Variants in NPY2R observed in about 807,000 individuals in gnomAD.
The protein encoded by NPY2R is neuropeptide Y receptor type 2.
NPY2R carries 17 observed loss-of-function variants against 22.3 expected under a neutral mutation model. The ratio of observed to expected loss-of-function variants is 0.76; its 90% CI spans 0.52 to 1.14. NPY2R has a LOEUF of 1.14. Ranked by LOEUF, NPY2R falls within the 50% of genes most tolerant of loss-of-function variation. NPY2R has a pLI of 0.00. For missense variants in NPY2R, 424 were observed against 467.9 expected (o/e 0.91, Z 0.87); for synonymous variants, 209 against 183.4 (o/e 1.14, Z -1.13).
the NPY2R span, among the ~76,000 whole-genome samples, chr4:155,197,347 G>T: frequency 6.6e-6 from 1 of 151,830 alleles, no homozygotes; most frequent in Non-Finnish European, 1.5e-5. Context: ...TCACAAATGG[G>T]AGTGTAAACC....
the NPY2R span, among the ~76,000 whole-genome samples, chr4:155,181,472 A>C: frequency 6.6e-6 from 1 of 152,128 alleles, no homozygotes; most frequent in Non-Finnish European, 1.5e-5. Flanking sequence ...TTAAAAAAAA[A>C]CCTTACTATG....
chr4:155,181,571 A>T, the NPY2R span, among the ~76,000 whole-genome samples: 4 of 152,156 alleles, frequency 2.6e-5, no homozygotes, highest in African/African-American at 9.7e-5. Flanking sequence ...TTGGGAGAAG[A>T]TTAGATCATA....
chr4:155,182,804 G>T, the NPY2R span, among the ~76,000 whole-genome samples: 1 of 152,046 alleles, frequency 6.6e-6, no homozygotes, highest in African/African-American at 2.4e-5. Flanking sequence ...TTGTTTGTTT[G>T]TTTTTTGAGA....
chr4:155,181,660 G>T, the NPY2R span, among the ~76,000 whole-genome samples: 416 of 152,260 alleles, frequency 2.7e-3, 2 homozygotes, highest in African/African-American at 9.4e-3. Context: ...ATGAGATGTT[G>T]TCACTTATGC....
chr4:155,212,954 A>G (rs1729436551), intron 1 of NPY2R, among the ~76,000 whole-genome samples: 1 of 152,224 alleles, frequency 6.6e-6, no homozygotes. Flanking sequence ...CTCAGCTGTA[A>G]AAAAGAATGA....
the NPY2R span, among the ~76,000 whole-genome samples, chr4:155,188,713 C>T: frequency 0.47 from 70,865 of 151,900 alleles, 17,240 homozygotes; most frequent in East Asian, 0.69. Flanking sequence ...ATGAAGCTCT[C>T]AGTCTGACAA....
chr4:155,207,630 T>A (rs964538787), upstream of NPY2R: 5 of 152,280 alleles, frequency 3.3e-5, no homozygotes, highest in Admixed American at 2.6e-4. Context: ...TAGACGCTGC[T>A]GCTCTGCTGA....
At chr4:155,183,748 G>A in the NPY2R span, among the ~76,000 whole-genome samples, 6 of 152,132 alleles carry the variant, frequency 3.9e-5, no homozygotes, top group African/African-American at 1.4e-4. Context: ...CAATTATGTG[G>A]ACAAGACCTC....
chr4:155,175,605 G>A, the NPY2R span, among the ~76,000 whole-genome samples: 3,563 of 152,082 alleles, frequency 0.023, 104 homozygotes, highest in Middle Eastern at 0.082. Context: ...ATATAATAGC[G>A]ATTTGTCAGT....
the NPY2R span, among the ~76,000 whole-genome samples, chr4:155,193,182 G>C: frequency 3.8e-4 from 57 of 151,894 alleles, no homozygotes; most frequent in African/African-American, 1.3e-3. Context: ...TAATCCTAGA[G>C]ACTATATATA....
upstream of NPY2R, among the ~76,000 whole-genome samples, chr4:155,205,875 G>A (rs574419169): frequency 6.7e-6 from 1 of 150,024 alleles, no homozygotes; most frequent in South Asian, 2.1e-4. Flanking sequence ...ATTTATTTTG[G>A]CCTGTCCACT....
upstream of NPY2R, among the ~76,000 whole-genome samples, chr4:155,204,964 A>G (rs1729252699): frequency 6.6e-6 from 1 of 152,094 alleles, no homozygotes; most frequent in Non-Finnish European, 1.5e-5. Flanking sequence ...AGAACCACAT[A>G]TATGAAAAAT....
At chr4:155,182,525 T>C in the NPY2R span, among the ~76,000 whole-genome samples, 3 of 152,148 alleles carry the variant, frequency 2.0e-5, no homozygotes, top group African/African-American at 7.2e-5. Context: ...CTTGGTTCTT[T>C]AGAGTCAACA....
At chr4:155,190,801 C>T in the NPY2R span, among the ~76,000 whole-genome samples, 3 of 151,728 alleles carry the variant, frequency 2.0e-5, no homozygotes, top group South Asian at 2.1e-4. Flanking sequence ...AAAAGGCAGG[C>T]GATTCAATAT....
chr4:155,188,471 C>A, the NPY2R span, among the ~76,000 whole-genome samples: 1 of 152,096 alleles, frequency 6.6e-6, no homozygotes, highest in African/African-American at 2.4e-5. Flanking sequence ...AGTATTCAAG[C>A]CCTTGTATAA....
chr4:155,184,271 C>T, the NPY2R span, among the ~76,000 whole-genome samples: 1 of 152,148 alleles, frequency 6.6e-6, no homozygotes, highest in Non-Finnish European at 1.5e-5. Context: ...ACAGACTGGC[C>T]TACCCTGATT....
the NPY2R span, among the ~76,000 whole-genome samples, chr4:155,187,681 A>G: frequency 7.2e-5 from 11 of 152,140 alleles, no homozygotes; most frequent in African/African-American, 2.7e-4. Context: ...AAATAAACAC[A>G]TGGTTCATAC....
At chr4:155,206,892 C>T (rs1729294017), upstream of NPY2R, 1 of 152,140 alleles carries the variant, frequency 6.6e-6, no homozygotes, top group South Asian at 2.1e-4. Flanking sequence ...GTTCATTCTT[C>T]ACCAATGCAG....
Position 155,216,152 on chromosome 4 carries a change from C to A in NPY2R, c.*1067C>A, listed in dbSNP as rs945045469. On this transcript the variant is annotated 3_prime_UTR_variant, in exon 2 of 2. Coordinates refer to ENST00000329476, the MANE Select transcript of NPY2R (RefSeq NM_000910.4). The stretch of plus-strand genomic sequence containing the variant: ...TGTAATTACATTAAAATGGACCTAT[C>A]TGTAAGAGGTACTAAAAACACTGGA... 2.4e-5 allele frequency: 4 copies of A among 167,144 alleles called. No individual in the cohort carries two copies. The East Asian group carries it at 7.7e-4, about 32-fold the overall frequency. 10.4% of individuals were successfully genotyped at this position (167,144 alleles called of 1,614,324 possible).
Sources: gnomAD v4.1 joint callset for allele counts (sites outside exome capture counted in the v4.1 genomes callset) on GRCh38, gnomAD v4.1.1 for gene constraint, MANE v1.5 for transcripts, NCBI Gene and HGNC (gene_info 2026-07-23, HGNC 2026-07-21) for gene names.